MTMR1: variants seen among roughly 807,000 people sequenced by gnomAD.
MTMR1 encodes the protein phosphatidylinositol-3-phosphate phosphatase MTMR1.
A neutral mutation model predicts 51.6 loss-of-function variants in MTMR1; 17 were observed. That is an observed-to-expected ratio of 0.33 (90% CI 0.23 to 0.49). The LOEUF (loss-of-function observed/expected upper bound fraction) is 0.49, where lower values mean the gene tolerates loss of function less well. MTMR1 is among the 20% of genes least tolerant of loss of function. The probability of loss-of-function intolerance (pLI) is 0.99; values close to 1 mark genes in which losing one functional copy is unlikely to be tolerated. For synonymous variants in MTMR1, 201 were observed against 205.6 expected, an observed-to-expected ratio of 0.98 and a Z score of 0.19; for missense variants, 386 against 526.9, an observed-to-expected ratio of 0.73 and a Z score of 2.62.
intron 2 of MTMR1, among the ~76,000 whole-genome samples, chrX:150,705,834 C>G (rs1727204671): frequency 8.9e-6 from 1 of 111,828 alleles, no homozygotes; most frequent in Non-Finnish European, 1.9e-5. Context: ...TCACAGGATA[C>G]AAGACAATAT....
At chrX:150,701,249 A>C (rs1405392208) in intron 2 of MTMR1, among the ~76,000 whole-genome samples, 1 of 111,441 alleles carries the variant, frequency 9.0e-6, no homozygotes, top group African/African-American at 3.3e-5. Flanking sequence ...CTAAACCACA[A>C]GGATAATTGT....
At chrX:150,701,174 C>G (rs1557415918) in intron 2 of MTMR1, among the ~76,000 whole-genome samples, 3 of 111,444 alleles carry the variant, frequency 2.7e-5, no homozygotes. Flanking sequence ...ATTTATAACT[C>G]AGGGGTTGTT....
At chrX:150,751,910 CTTTTTTTTT>C (rs35937277) in intron 14 of MTMR1, among the ~76,000 whole-genome samples, 10 of 41,608 alleles carry the variant, frequency 2.4e-4, no homozygotes, top group East Asian at 1.0e-3. Context: ...CTTTTTCTTT[CTTTTTTTTT>C]TTTTTTTTTT....
chrX:150,729,210 ACACC>A (rs1276337861), intron 6 of MTMR1, among the ~76,000 whole-genome samples: 2 of 78,439 alleles, frequency 2.5e-5, no homozygotes, highest in African/African-American at 3.8e-5. Flanking sequence ...CATACTTGAC[ACACC>A]CACCCACACA....
At chrX:150,721,290 CAG>C (rs1481810712) in intron 4 of MTMR1, among the ~76,000 whole-genome samples, 7 of 111,819 alleles carry the variant, frequency 6.3e-5, no homozygotes, top group Admixed American at 2.8e-4. Flanking sequence ...GTTTTGGTAT[CAG>C]AGTAAAGCTG....
At chrX:150,738,035 C>T (rs782640876) in intron 12 of MTMR1, among the ~76,000 whole-genome samples, 6 of 111,921 alleles carry the variant, frequency 5.4e-5, no homozygotes, top group Non-Finnish European at 9.4e-5. Context: ...CCACTGCACT[C>T]CAGCCTGGGC....
At chrX:150,751,910 CTTTTTTTTTTTTT>C (rs35937277) in intron 14 of MTMR1, among the ~76,000 whole-genome samples, 1 of 41,622 alleles carries the variant, frequency 2.4e-5, no homozygotes, top group Non-Finnish European at 4.2e-5. Context: ...CTTTTTCTTT[CTTTTTTTTTTTTT>C]TTTTTTTTTT....
At chrX:150,750,260 T>A (rs1365027983) in intron 13 of MTMR1, among the ~76,000 whole-genome samples, 1 of 112,327 alleles carries the variant, frequency 8.9e-6, no homozygotes, top group Non-Finnish European at 1.9e-5. Context: ...GTACATGTTA[T>A]GACTGGATGT....
chrX:150,729,273 C>A (rs1158322670), intron 6 of MTMR1, among the ~76,000 whole-genome samples: 1 of 110,880 alleles, frequency 9.0e-6, no homozygotes, highest in Non-Finnish European at 1.9e-5. Context: ...TGTGCTCTTT[C>A]CTTAGCTTGT....
At chrX:150,733,154 T>C (rs1195007479) in intron 10 of MTMR1, among the ~76,000 whole-genome samples, 1 of 112,075 alleles carries the variant, frequency 8.9e-6, no homozygotes, top group Non-Finnish European at 1.9e-5. Context: ...ATAAATCTCA[T>C]GGAGCACCTG....
intron 12 of MTMR1, among the ~76,000 whole-genome samples, chrX:150,738,244 ATGAC>A (rs2042332436): frequency 8.9e-6 from 1 of 112,082 alleles, no homozygotes; most frequent in Non-Finnish European, 1.9e-5. Context: ...TTGTCCTCCC[ATGAC>A]TGAGTTACTT....
Position 150,731,534 on chromosome X carries a change from A to G in MTMR1, c.806A>G (p.Tyr269Cys). 1 of 1,208,633 alleles carries G rather than the reference A, an allele frequency of 8.3e-7. No individual in the cohort carries two copies. Among genetic ancestry groups the G allele is most frequent in the Non-Finnish European group, 1.1e-6 (1 of 893,711 alleles). Residue 269 changes from tyrosine to cysteine, a missense_variant, in exon 9 of 16, where the codon TAC becomes TGC. Transcript: ENST00000445323. ...INSNYEFCDT[Y>C]PAIIVVPTSV... Reference sequence around the variant, plus strand: ...AGTAATTATGAGTTCTGTGACACCTACCCTGCCATCATTGTTGTGCCAACT... The same window carrying G: ...AGTAATTATGAGTTCTGTGACACCTGCCCTGCCATCATTGTTGTGCCAACT...
chrX:150,760,534 T>G (rs1462181397), intron 15 of MTMR1, among the ~76,000 whole-genome samples: 1 of 112,191 alleles, frequency 8.9e-6, no homozygotes, highest in Admixed American at 9.4e-5. Context: ...CAAACATGAC[T>G]GGCCCTTAGA....
At chrX:150,735,285 G>A (rs1424046897) in intron 10 of MTMR1, 18 of 344,250 alleles carry the variant, frequency 5.2e-5, no homozygotes, top group African/African-American at 4.8e-4. Context: ...AGCACCCTTA[G>A]GAAGCTAATA....
intron 2 of MTMR1, among the ~76,000 whole-genome samples, chrX:150,706,440 T>C (rs2041105749): frequency 8.9e-6 from 1 of 112,033 alleles, no homozygotes. Context: ...TGTTGAGACG[T>C]AGGAGTTTTT....
At chrX:150,740,437 T>C (rs1165782853) in intron 12 of MTMR1, among the ~76,000 whole-genome samples, 1 of 112,179 alleles carries the variant, frequency 8.9e-6, no homozygotes, top group East Asian at 2.8e-4. Context: ...TTCCCTCATC[T>C]TCCCAACCTC....
At position 150,727,534 on chromosome X, in the gene MTMR1, C is replaced by T. The variant is rs1358251416; in HGVS notation, c.448-150C>T. The T allele has an allele frequency of 7.5e-5, 37 of 496,278 alleles. No homozygotes were observed. The South Asian group carries it at 1.2e-3, about 16-fold the overall frequency. The allele number at this position is 496,278 out of a possible 1,213,427, so 40.9% of individuals were successfully genotyped here. A position where few individuals can be genotyped will look rare whatever the true frequency, so the allele number is the denominator to read the frequency against. The stretch of plus-strand genomic sequence containing the variant: ...TCCATTGTTGTCTCAATATATATTT[C>T]ACAAGGAATGCTGTCAATCAGACTT... On this transcript the variant is annotated intron_variant, in intron 5 of 15. Transcript: ENST00000445323.
At chrX:150,736,154 G>T (rs2042262422) in intron 10 of MTMR1, 1 of 119,845 alleles carries the variant, frequency 8.3e-6, no homozygotes, top group Non-Finnish European at 1.7e-5. Context: ...TATTGAATTG[G>T]GGGGTGGGGG....
In MTMR1 at chrX:150,698,293, C is replaced by CA. The variant is rs59934017; in HGVS notation, c.147-891dup. ...TGGGTGACAGAGCAAGACTCTGTCT[C>CA]AAAAAAAAAAATAAATAAAAAATAA... On this transcript the variant is annotated intron_variant, in intron 1 of 15. Coordinates refer to ENST00000445323, the MANE Select transcript of MTMR1 (RefSeq NM_001306144.3). Among the ~76,000 whole-genome samples the CA allele has an allele frequency of 4.0e-3, 395 of 97,887 alleles. 1 individual carries two copies. The highest frequency in any genetic ancestry group is 0.027 in the Middle Eastern group (5 of 185). 85.0% of individuals were successfully genotyped at this position (97,887 alleles called of 115,157 possible).
Sources: gnomAD v4.1 joint callset for allele counts (sites outside exome capture counted in the v4.1 genomes callset) on GRCh38, gnomAD v4.1.1 for gene constraint, MANE v1.5 for transcripts, NCBI Gene and HGNC (gene_info 2026-07-23, HGNC 2026-07-21) for gene names.